ABHD18: variants seen among roughly 807,000 people sequenced by gnomAD.
The protein encoded by ABHD18 is abhydrolase domain containing 18.
A neutral mutation model predicts 65.9 loss-of-function variants in ABHD18; 55 were observed. That is an observed-to-expected ratio of 0.84 (90% CI 0.67 to 1.05). The LOEUF (loss-of-function observed/expected upper bound fraction) is 1.05, where lower values mean the gene tolerates loss of function less well. Ranked by LOEUF, ABHD18 falls within the 50% of genes least tolerant of loss-of-function variation. ABHD18 has a pLI of 0.00. For synonymous variants in ABHD18, 181 were observed against 180.2 expected (o/e 1.00, Z -0.04); for missense variants, 533 against 558.5 (o/e 0.95, Z 0.46).
At chr4:128,035,727 GTTAC>G (rs1758821603) in intron 12 of ABHD18, 31 bp from the exon 13 acceptor site, 1 of 1,329,656 alleles carries the variant, frequency 7.5e-7, no homozygotes, top group Non-Finnish European at 1.0e-6. Flanking sequence ...CTTTTTGTTA[GTTAC>G]TTAGAGTTTT....
chr4:127,993,734 C>T (rs2149094842), intron 4 of ABHD18, among the ~76,000 whole-genome samples: 1 of 152,178 alleles, frequency 6.6e-6, no homozygotes, highest in East Asian at 1.9e-4. Context: ...TTTGGTATTC[C>T]ATACTGTGAC....
At chr4:128,031,191 A>T in intron 12 of ABHD18, 1 of 970,708 alleles carries the variant, frequency 1.0e-6, no homozygotes, top group Non-Finnish European at 1.2e-6. Flanking sequence ...GCGGTGGCTT[A>T]CGCCTGTAAT....
chr4:127,992,301 G>A (rs146928160), intron 4 of ABHD18, among the ~76,000 whole-genome samples: 1 of 151,872 alleles, frequency 6.6e-6, no homozygotes, highest in Non-Finnish European at 1.5e-5. Flanking sequence ...GTGAAACCCC[G>A]TCTCTACTAA....
intron 4 of ABHD18, among the ~76,000 whole-genome samples, chr4:127,994,870 G>C (rs1295115161): frequency 1.3e-5 from 2 of 151,992 alleles, no homozygotes; most frequent in African/African-American, 4.8e-5. Flanking sequence ...CTCATTTTAT[G>C]TATGTATTTA....
At position 127,966,702 on chromosome 4, in the gene ABHD18, C is replaced by CAAAAAAAAAAAA. The variant is rs70966065; in HGVS notation, c.-18+1121_-18+1132dup. 5.1e-4 allele frequency among the ~76,000 whole-genome samples: 11 copies of CAAAAAAAAAAAA among 21,540 alleles called. 4 individuals carry two copies. Among genetic ancestry groups the CAAAAAAAAAAAA allele is most frequent in the African/African-American group, 8.9e-4 (5 of 5,640 alleles). The allele number at this position is 21,540 out of a possible 152,430, so 14.1% of individuals were successfully genotyped here. A position where few individuals can be genotyped will look rare whatever the true frequency, so the allele number is the denominator to read the frequency against. ...TGAAACCCCGTCTCTACTAAAAATA[C>CAAAAAAAAAAAA]AAAAAAAAAAAAAAAAAAAAAAAAA... On this transcript the variant is annotated intron_variant, in intron 1 of 12. Coordinates refer to ENST00000645843, the MANE Select transcript of ABHD18 (RefSeq NM_001358451.3).
At chr4:127,973,101 C>T (rs1038983172) in intron 1 of ABHD18, among the ~76,000 whole-genome samples, 1 of 152,118 alleles carries the variant, frequency 6.6e-6, no homozygotes, top group Admixed American at 6.6e-5. Flanking sequence ...GCATCCTCTG[C>T]CTCCTAGGCT....
intron 6 of ABHD18, among the ~76,000 whole-genome samples, chr4:128,010,845 G>T (rs2149136487): frequency 6.7e-6 from 1 of 149,946 alleles, no homozygotes; most frequent in South Asian, 2.1e-4. Flanking sequence ...AACCCAAGAG[G>T]CAGAAGTTGC....
intron 7 of ABHD18, among the ~76,000 whole-genome samples, chr4:128,014,875 C>T (rs1296691965): frequency 6.6e-6 from 1 of 151,920 alleles, no homozygotes; most frequent in Non-Finnish European, 1.5e-5. Context: ...GTGAGGAGTT[C>T]GAGACCAGCC....
At chr4:128,031,477 A>AT (rs1758207663) in intron 12 of ABHD18, among the ~76,000 whole-genome samples, 4 of 152,238 alleles carry the variant, frequency 2.6e-5, no homozygotes, top group African/African-American at 9.6e-5. Context: ...CAAAAAAAAA[A>AT]ATTTTTTTAT....
rs550367145 is a variant in ABHD18 at position 127,981,585 on chromosome 4, G to A, written c.-17-1354G>A. The stretch of plus-strand genomic sequence containing the variant: ...AATCATACATATTCTTAGAAGTGCA[G>A]GAACTTATTAACCCACCCAGGGATG... On this transcript the variant is annotated intron_variant, in intron 1 of 12. Transcript: ENST00000645843. Among the ~76,000 whole-genome samples the A allele has an allele frequency of 5.3e-5, 8 of 152,160 alleles. No homozygotes were observed. The East Asian group carries it at 1.5e-3, about 29-fold the overall frequency.
At chr4:127,981,225 G>A (rs868722559) in intron 1 of ABHD18, among the ~76,000 whole-genome samples, 4 of 152,066 alleles carry the variant, frequency 2.6e-5, no homozygotes, top group South Asian at 2.1e-4. Flanking sequence ...TATATTCCAC[G>A]TATGATATTT....
At chr4:128,001,581 G>C in intron 4 of ABHD18, 1 of 793,446 alleles carries the variant, frequency 1.3e-6, no homozygotes. Flanking sequence ...TAAATTTTCT[G>C]AGTTATTTAT....
In ABHD18 at chr4:128,021,208, A is replaced by G. The variant is rs1756443444; in HGVS notation, c.771A>G (p.Glu257=). The change falls in exon 10 of 13, where the codon GAA becomes GAG. Residue 257 remains glutamate (E), a synonymous_variant. Coordinates refer to ENST00000645843, the MANE Select transcript of ABHD18 (RefSeq NM_001358451.3). ...KQYYTQTVYE[E]EIIHMLEYCG... is the part of the protein sequence containing the mutation. ...ATTATACCCAGACAGTTTATGAAGA[A>G]GAAATTATTCACATGCTTGAATACT... 5.8e-6 allele frequency: 9 copies of G among 1,547,054 alleles called. No homozygotes were observed. Among genetic ancestry groups the G allele is most frequent in the Non-Finnish European group, 7.9e-6 (9 of 1,143,762 alleles).
Position 128,028,727 on chromosome 4 carries a change from A to G in ABHD18, c.1054A>G (p.Thr352Ala), listed in dbSNP as rs1268713355. The G allele has an allele frequency of 6.2e-7, 1 of 1,613,988 alleles. No individual in the cohort carries two copies. The highest frequency in any genetic ancestry group is 2.2e-5 in the East Asian group (1 of 44,864). ...ACTTTCAACCAACAAAAGTGGTTATACAAGTCGCAACCCTCAGTCATACCA... is the reference window on the plus strand; with the variant it reads ...ACTTTCAACCAACAAAAGTGGTTATGCAAGTCGCAACCCTCAGTCATACCA... ...QTLSTNKSGYTSRNPQSYHLL... is the reference protein window; with the variant it reads ...QTLSTNKSGYASRNPQSYHLL... Residue 352 changes from threonine (T) to alanine (A), a missense_variant, in exon 11 of 13, where the codon ACA (threonine) becomes GCA (alanine). Around this residue, in one of 3 missense-constraint regions of ABHD18, gnomAD observed 220 missense variants for 226.8 expected, o/e 0.97. Transcript: ENST00000645843.
intron 1 of ABHD18, among the ~76,000 whole-genome samples, chr4:127,969,601 C>T (rs1746335560): frequency 1.3e-5 from 2 of 152,174 alleles, no homozygotes; most frequent in South Asian, 4.1e-4. Context: ...TAGGTCCTTT[C>T]TTGCTTCCTT....
intron 4 of ABHD18, among the ~76,000 whole-genome samples, chr4:127,991,350 C>T (rs1327922233): frequency 2.6e-5 from 4 of 152,054 alleles, no homozygotes; most frequent in Non-Finnish European, 5.9e-5. Context: ...CTGCAGTCTC[C>T]GGAGTAGTTG....
intron 4 of ABHD18, among the ~76,000 whole-genome samples, chr4:128,002,923 A>G (rs890454542): frequency 6.6e-6 from 1 of 151,976 alleles, no homozygotes; most frequent in African/African-American, 2.4e-5. Flanking sequence ...GATAACAGGT[A>G]TGAGCCACCA....
chr4:127,997,717 A>G (rs1056044258), intron 4 of ABHD18, among the ~76,000 whole-genome samples: 3 of 152,192 alleles, frequency 2.0e-5, no homozygotes, highest in Admixed American at 6.5e-5. Flanking sequence ...ATGTGTAACC[A>G]TAGCAGCTGT....
intron 6 of ABHD18, 96 bp downstream of exon 6, chr4:128,009,287 C>A: frequency 1.4e-6 from 1 of 730,060 alleles, no homozygotes; most frequent in South Asian, 3.7e-5. Flanking sequence ...TTTTCTAAAC[C>A]AGTTAAATTT....
Sources: gnomAD v4.1 joint callset for allele counts (sites outside exome capture counted in the v4.1 genomes callset) on GRCh38, gnomAD v4.1.1 for gene constraint, gnomAD v4.1.1 regional missense constraint, MANE v1.5 for transcripts, NCBI Gene and HGNC (gene_info 2026-07-23, HGNC 2026-07-21) for gene names.